IL1RAPL1: variants seen among roughly 807,000 people sequenced by gnomAD.
IL1RAPL1 encodes the protein interleukin 1 receptor accessory protein like 1.
IL1RAPL1 carries 3 observed loss-of-function variants against 48.4 expected under a neutral mutation model. The ratio of observed to expected loss-of-function variants is 0.06; its 90% CI spans 0.03 to 0.16. IL1RAPL1 has a LOEUF of 0.16. Ranked by LOEUF, IL1RAPL1 falls within the 10% of genes least tolerant of loss-of-function variation. The pLI is 1.00. For synonymous variants in IL1RAPL1, 185 were observed against 187.7 expected, an observed-to-expected ratio of 0.99 and a Z score of 0.12; for missense variants, 349 against 530.6, an observed-to-expected ratio of 0.66 and a Z score of 3.36.
chrX:29,252,589 T>C (rs1472452405), intron 2 of IL1RAPL1, among the ~76,000 whole-genome samples: 1 of 113,744 alleles, frequency 8.8e-6, no homozygotes, highest in East Asian at 2.7e-4. Flanking sequence ...TTCTTCAGTT[T>C]CTATTAAATA....
intron 5 of IL1RAPL1, among the ~76,000 whole-genome samples, chrX:29,650,854 G>A (rs1320608300): frequency 9.0e-6 from 1 of 110,513 alleles, no homozygotes. Flanking sequence ...TAGAATGAAA[G>A]AAAATATTTG....
At chrX:29,077,517 C>T (rs1218396420) in intron 2 of IL1RAPL1, among the ~76,000 whole-genome samples, 4 of 107,605 alleles carry the variant, frequency 3.7e-5, no homozygotes, top group African/African-American at 6.8e-5. Flanking sequence ...GTCGGAGAAT[C>T]GCTTAAACCC....
intron 2 of IL1RAPL1, among the ~76,000 whole-genome samples, chrX:29,119,132 T>C (rs965462171): frequency 1.8e-5 from 2 of 111,091 alleles, no homozygotes; most frequent in African/African-American, 3.3e-5. Context: ...ATGTATCATA[T>C]ATAGTAAATA....
chrX:28,646,398 C>T (rs1324064619), intron 1 of IL1RAPL1, among the ~76,000 whole-genome samples: 1 of 111,998 alleles, frequency 8.9e-6, no homozygotes, highest in Non-Finnish European at 1.9e-5. Flanking sequence ...GTTGAGGACC[C>T]CTGTTCTAGA....
chrX:28,761,583 A>C (rs1391909366), intron 1 of IL1RAPL1, among the ~76,000 whole-genome samples: 2 of 110,890 alleles, frequency 1.8e-5, no homozygotes, highest in Non-Finnish European at 3.8e-5. Context: ...GGCACTGGGG[A>C]TTACTAGAGG....
intron 1 of IL1RAPL1, among the ~76,000 whole-genome samples, chrX:28,769,189 T>A (rs1174019509): frequency 9.2e-6 from 1 of 108,784 alleles, no homozygotes; most frequent in Non-Finnish European, 1.9e-5. Flanking sequence ...ATATATGAGA[T>A]TATATGGGAA....
chrX:29,945,845 T>C (rs1267602050), intron 9 of IL1RAPL1, among the ~76,000 whole-genome samples: 1 of 111,885 alleles, frequency 8.9e-6, no homozygotes, highest in Admixed American at 9.5e-5. Flanking sequence ...AGATAGAACA[T>C]ATTGATGCTT....
At chrX:29,558,409 G>A (rs1237095270) in intron 5 of IL1RAPL1, among the ~76,000 whole-genome samples, 1 of 111,549 alleles carries the variant, frequency 9.0e-6, no homozygotes, top group African/African-American at 3.3e-5. Context: ...CTATTGAGTT[G>A]TTTGAGTTCC....
chrX:29,650,759 C>CA (rs1279538819), intron 5 of IL1RAPL1, among the ~76,000 whole-genome samples: 7 of 107,213 alleles, frequency 6.5e-5, no homozygotes, highest in South Asian at 3.9e-4. Context: ...GCAACAAGAG[C>CA]AAAAAAAATA....
intron 6 of IL1RAPL1, among the ~76,000 whole-genome samples, chrX:29,719,815 C>T (rs969326120): frequency 6.5e-5 from 7 of 108,184 alleles, no homozygotes; most frequent in African/African-American, 3.4e-5. Context: ...GCCAAGAGTC[C>T]TCAGTGCAGC....
intron 2 of IL1RAPL1, among the ~76,000 whole-genome samples, chrX:29,176,794 C>G (rs1403325457): frequency 1.8e-5 from 2 of 110,782 alleles, no homozygotes; most frequent in African/African-American, 6.6e-5. Context: ...CCCTTCCCCA[C>G]TAAAATCCTC....
At chrX:29,460,044 C>G (rs1199587797) in intron 5 of IL1RAPL1, among the ~76,000 whole-genome samples, 1 of 111,724 alleles carries the variant, frequency 9.0e-6, no homozygotes, top group Non-Finnish European at 1.9e-5. Context: ...CAACTGGGAA[C>G]CTAAATTATT....
chrX:28,860,180 A>G (rs1220019921), intron 2 of IL1RAPL1, among the ~76,000 whole-genome samples: 1 of 111,603 alleles, frequency 9.0e-6, no homozygotes, highest in Non-Finnish European at 1.9e-5. Context: ...AATAATTCAA[A>G]CTATTAATAT....
At chrX:29,885,842 G>C (rs1201288265) in intron 6 of IL1RAPL1, among the ~76,000 whole-genome samples, 1 of 111,174 alleles carries the variant, frequency 9.0e-6, no homozygotes, top group Non-Finnish European at 1.9e-5. Context: ...TGTAATCATT[G>C]AAGAAAATTA....
intron 2 of IL1RAPL1, among the ~76,000 whole-genome samples, chrX:29,147,239 A>C (rs1231272112): frequency 8.9e-6 from 1 of 112,254 alleles, no homozygotes; most frequent in Non-Finnish European, 1.9e-5. Context: ...TGAAGTAACA[A>C]AATTGGCTGT....
chrX:28,903,292 G>A (rs1356413300), intron 2 of IL1RAPL1, among the ~76,000 whole-genome samples: 1 of 110,615 alleles, frequency 9.0e-6, no homozygotes, highest in East Asian at 2.9e-4. Flanking sequence ...GCGAATTTTT[G>A]TATTTTTAGT....
chrX:29,143,154 C>T (rs1231517028), intron 2 of IL1RAPL1, among the ~76,000 whole-genome samples: 1 of 111,455 alleles, frequency 9.0e-6, no homozygotes, highest in Admixed American at 9.6e-5. Flanking sequence ...CTACAAGGTG[C>T]TGTATGAGAC....
chrX:28,886,772 T>C (rs1922641625), intron 2 of IL1RAPL1, among the ~76,000 whole-genome samples: 1 of 110,896 alleles, frequency 9.0e-6, no homozygotes, highest in Non-Finnish European at 1.9e-5. Flanking sequence ...AGAGAGTCTA[T>C]ACCAAGCTAT....
At chrX:29,613,169 T>G (rs868721833) in intron 5 of IL1RAPL1, among the ~76,000 whole-genome samples, 36 of 112,618 alleles carry the variant, frequency 3.2e-4, no homozygotes, top group African/African-American at 1.1e-3. Flanking sequence ...ACATTAAAAA[T>G]CACGTACTAA....
Sources: allele counts gnomAD v4.1 joint callset (sites outside exome capture counted in the v4.1 genomes callset), GRCh38; gene constraint gnomAD v4.1.1; transcripts MANE v1.5; gene names NCBI Gene and HGNC (gene_info 2026-07-23, HGNC 2026-07-21).